RALGPS2: variants seen among roughly 807,000 people sequenced by gnomAD.
The protein encoded by RALGPS2 is ras-specific guanine nucleotide-releasing factor RalGPS2.
RALGPS2 carries 43 observed loss-of-function variants against 86.8 expected under a neutral mutation model. The observed-to-expected ratio is 0.50, with a 90% CI of 0.39 to 0.64. RALGPS2 has a LOEUF of 0.64. Ranked by LOEUF, RALGPS2 falls within the 30% of genes least tolerant of loss-of-function variation. The pLI, the probability that RALGPS2 is intolerant of heterozygous loss-of-function variation, is 0.00. For synonymous variants in RALGPS2, 243 were observed against 231.3 expected, an observed-to-expected ratio of 1.05 and a Z score of -0.46; for missense variants, 536 against 694.6, an observed-to-expected ratio of 0.77 and a Z score of 2.57.
chr1:178,758,901 A>G (rs1031974203), intron 1 of RALGPS2, among the ~76,000 whole-genome samples: 63 of 152,154 alleles, frequency 4.1e-4, no homozygotes, highest in African/African-American at 1.5e-3. Context: ...TCTTTTGCCC[A>G]TTTAAAAAAT....
intron 4 of RALGPS2, among the ~76,000 whole-genome samples, chr1:178,796,489 G>A (rs1654196580): frequency 6.6e-6 from 1 of 152,008 alleles, no homozygotes; most frequent in African/African-American, 2.4e-5. Context: ...TCTTCTCTTT[G>A]TTAGGATCTC....
At chr1:178,784,608 A>G (rs913460679) in intron 3 of RALGPS2, 86 bp downstream of exon 3, 23 of 1,012,448 alleles carry the variant, frequency 2.3e-5, no homozygotes, top group Middle Eastern at 2.2e-4. Context: ...GTCCAGCAAA[A>G]GAGACAGCTT....
intron 7 of RALGPS2, among the ~76,000 whole-genome samples, chr1:178,825,999 T>A (rs1286951195): frequency 6.6e-6 from 1 of 152,150 alleles, no homozygotes; most frequent in Non-Finnish European, 1.5e-5. Context: ...GTTACAAGGT[T>A]TATAAGAAAA....
chr1:178,889,943 A>C (rs1659651284), intron 14 of RALGPS2, among the ~76,000 whole-genome samples: 1 of 151,894 alleles, frequency 6.6e-6, no homozygotes, highest in African/African-American at 2.4e-5. Context: ...ATTTACATTT[A>C]TAACTTAAAA....
chr1:178,797,550 A>G (rs187918851), intron 4 of RALGPS2, among the ~76,000 whole-genome samples: 1 of 152,294 alleles, frequency 6.6e-6, no homozygotes, highest in Non-Finnish European at 1.5e-5. Context: ...AAGTTGCAAC[A>G]AAATAGTACA....
chr1:178,835,071 C>A (rs1656209029), intron 8 of RALGPS2, among the ~76,000 whole-genome samples: 1 of 152,244 alleles, frequency 6.6e-6, no homozygotes, highest in Non-Finnish European at 1.5e-5. Context: ...AGCCATCACA[C>A]CCAGCGTGGT....
chr1:178,846,505 A>G (rs1257381679), intron 8 of RALGPS2, among the ~76,000 whole-genome samples: 1 of 152,038 alleles, frequency 6.6e-6, no homozygotes, highest in Non-Finnish European at 1.5e-5. Flanking sequence ...CCATTACCTC[A>G]TTTATATATT....
intron 10 of RALGPS2, among the ~76,000 whole-genome samples, chr1:178,880,525 C>T (rs962496689): frequency 1.3e-5 from 2 of 152,038 alleles, no homozygotes; most frequent in Non-Finnish European, 2.9e-5. Flanking sequence ...AAATCTGTTG[C>T]CCTAGGTTGT....
At chr1:178,843,481 T>C (rs74447946) in intron 8 of RALGPS2, among the ~76,000 whole-genome samples, 27 of 126,150 alleles carry the variant, frequency 2.1e-4, no homozygotes, top group East Asian at 4.9e-4. Context: ...GGAAGGGGAA[T>C]ATCACACTCT....
intron 6 of RALGPS2, among the ~76,000 whole-genome samples, chr1:178,820,416 C>G (rs1655441505): frequency 6.6e-6 from 1 of 152,158 alleles, no homozygotes; most frequent in African/African-American, 2.4e-5. Flanking sequence ...TTCTGGTACT[C>G]TGATACTTCT....
intron 8 of RALGPS2, among the ~76,000 whole-genome samples, chr1:178,857,361 A>G (rs1657655915): frequency 6.6e-6 from 1 of 152,214 alleles, no homozygotes; most frequent in Admixed American, 6.5e-5. Context: ...TCTTTCAAGA[A>G]ATGTCTTTTC....
intron 8 of RALGPS2, among the ~76,000 whole-genome samples, chr1:178,857,264 G>C (rs1323481134): frequency 6.6e-6 from 1 of 152,184 alleles, no homozygotes; most frequent in Non-Finnish European, 1.5e-5. Flanking sequence ...CACAGTTTGA[G>C]CCCACTTAGG....
intron 1 of RALGPS2, among the ~76,000 whole-genome samples, chr1:178,767,835 C>A (rs1558109897): frequency 6.6e-6 from 1 of 152,162 alleles, no homozygotes; most frequent in Non-Finnish European, 1.5e-5. Context: ...TGCAGCTTGC[C>A]TGGCTACCAG....
intron 1 of RALGPS2, among the ~76,000 whole-genome samples, chr1:178,775,503 T>C (rs1454830801): frequency 6.6e-6 from 1 of 152,146 alleles, no homozygotes; most frequent in East Asian, 1.9e-4. Context: ...CCACTGTCAT[T>C]TTACAAAGAG....
At chr1:178,844,405 T>A (rs987597674) in intron 8 of RALGPS2, among the ~76,000 whole-genome samples, 1 of 152,218 alleles carries the variant, frequency 6.6e-6, no homozygotes, top group African/African-American at 2.4e-5. Context: ...GGTAAAACTC[T>A]TATTTTGATA....
intron 4 of RALGPS2, among the ~76,000 whole-genome samples, chr1:178,795,611 A>T (rs897284818): frequency 6.6e-6 from 1 of 151,946 alleles, no homozygotes; most frequent in African/African-American, 2.4e-5. Flanking sequence ...ATGGGGTTTC[A>T]CCATGTTGGC....
intron 8 of RALGPS2, chr1:178,852,582 T>G: frequency 7.6e-7 from 1 of 1,315,620 alleles, no homozygotes; most frequent in Non-Finnish European, 1.0e-6. Flanking sequence ...TGACCAAAAC[T>G]GACCTTTTTG....
At chr1:178,788,291 T>C (rs940142367) in intron 4 of RALGPS2, among the ~76,000 whole-genome samples, 2 of 152,220 alleles carry the variant, frequency 1.3e-5, no homozygotes, top group African/African-American at 4.8e-5. Flanking sequence ...ATTTACTGGA[T>C]GCCTATTGTA....
intron 8 of RALGPS2, chr1:178,865,364 A>G: frequency 6.2e-7 from 1 of 1,614,156 alleles, no homozygotes; most frequent in South Asian, 1.1e-5. Flanking sequence ...AATCTCATGT[A>G]ATAATTGCAT....
Sources: allele counts gnomAD v4.1 joint callset (sites outside exome capture counted in the v4.1 genomes callset), GRCh38; gene constraint gnomAD v4.1.1; transcripts MANE v1.5; gene names NCBI Gene and HGNC (gene_info 2026-07-23, HGNC 2026-07-21).